ETV6: variants seen among roughly 807,000 people sequenced by gnomAD.
ETV6 encodes ETS variant transcription factor 6, also known as transcription factor ETV6.
A neutral mutation model predicts 51.1 loss-of-function variants in ETV6; 16 were observed. That is an observed-to-expected ratio of 0.31 (90% CI 0.21 to 0.48). ETV6 has a LOEUF of 0.48. Among genes scored for constraint, ETV6 ranks in the 20% least tolerant of loss-of-function variants. The pLI, the probability that ETV6 is intolerant of heterozygous loss-of-function variation, is 0.99. For missense variants in ETV6, 458 were observed against 594.8 expected (o/e 0.77, Z 2.39); for synonymous variants, 240 against 224.1 (o/e 1.07, Z -0.64).
At chr12:11,688,383 C>G (rs1326920756) in intron 1 of ETV6, among the ~76,000 whole-genome samples, 1 of 152,228 alleles carries the variant, frequency 6.6e-6, no homozygotes, top group Non-Finnish European at 1.5e-5. Context: ...AGGGCAGCCA[C>G]TATGGCTCAA....
chr12:11,878,550 T>C (rs917199843), intron 5 of ETV6, among the ~76,000 whole-genome samples: 1 of 152,076 alleles, frequency 6.6e-6, no homozygotes, highest in African/African-American at 2.4e-5. Context: ...CCACACCTTA[T>C]GTAATCACAG....
At chr12:11,742,186 A>G (rs1214156081) in intron 1 of ETV6, among the ~76,000 whole-genome samples, 1 of 152,226 alleles carries the variant, frequency 6.6e-6, no homozygotes, top group Non-Finnish European at 1.5e-5. Flanking sequence ...TATTCCGTTA[A>G]TCACTGTTGT....
rs61229425 is a variant in ETV6, at chr12:11,869,988, C to T, written c.1009+19C>T. 1.5e-3 allele frequency: 2,397 copies of T among 1,580,666 alleles called. 32 individuals carry two copies. In the African/African-American group the frequency reaches 0.028, roughly 19 times the overall value. Reference sequence around the variant, plus strand: ...ATAGCAGGTGAGTGAGTTCCCCTCTCGCCGCTCCAGCATCATGGGGACCTG... The same window carrying T: ...ATAGCAGGTGAGTGAGTTCCCCTCTTGCCGCTCCAGCATCATGGGGACCTG... On this transcript the variant is annotated intron_variant, in intron 5 of 7. Transcript: ENST00000396373. The surrounding 1 kb of genome is among the most constrained non-coding windows in gnomAD (Gnocchi z 5.0).
At chr12:11,780,375 T>C (rs1394550698) in intron 2 of ETV6, among the ~76,000 whole-genome samples, 3 of 152,194 alleles carry the variant, frequency 2.0e-5, no homozygotes, top group Non-Finnish European at 2.9e-5. Context: ...TTCACCTAAA[T>C]TCATTCTGTG....
chr12:11,796,983 C>G (rs1945688202), intron 2 of ETV6, among the ~76,000 whole-genome samples: 1 of 152,150 alleles, frequency 6.6e-6, no homozygotes, highest in African/African-American at 2.4e-5. Flanking sequence ...CACAAGGTCT[C>G]ACTATGAGCT....
chr12:11,818,320 C>T (rs1360867513), intron 2 of ETV6, among the ~76,000 whole-genome samples: 2 of 152,138 alleles, frequency 1.3e-5, no homozygotes, highest in Non-Finnish European at 2.9e-5. Context: ...GAGTTTGAGA[C>T]CAGCCTGGCC....
At chr12:11,722,446 C>T (rs558563392) in intron 1 of ETV6, among the ~76,000 whole-genome samples, 2 of 152,308 alleles carry the variant, frequency 1.3e-5, no homozygotes, top group African/African-American at 4.8e-5. Flanking sequence ...TAAATTAACA[C>T]ACTGGAAGCA....
chr12:11,697,844 A>T (rs1464739962), intron 1 of ETV6, among the ~76,000 whole-genome samples: 3 of 152,166 alleles, frequency 2.0e-5, no homozygotes, highest in African/African-American at 7.2e-5. Flanking sequence ...TGGGCATCTG[A>T]CTTGTGAATC....
intron 4 of ETV6, among the ~76,000 whole-genome samples, chr12:11,861,005 C>T (rs896984991): frequency 6.6e-6 from 1 of 152,198 alleles, no homozygotes; most frequent in African/African-American, 2.4e-5. Context: ...TCATTACTCT[C>T]AGAACACGGC....
At chr12:11,857,515 T>C (rs1480326110) in intron 4 of ETV6, among the ~76,000 whole-genome samples, 2 of 152,210 alleles carry the variant, frequency 1.3e-5, no homozygotes, top group African/African-American at 4.8e-5. Flanking sequence ...CCTTACTTAT[T>C]AGTTATGGGA....
chr12:11,720,789 C>G (rs866578552), intron 1 of ETV6, among the ~76,000 whole-genome samples: 2 of 152,118 alleles, frequency 1.3e-5, no homozygotes, highest in Non-Finnish European at 2.9e-5. Flanking sequence ...AAACAGCAAC[C>G]TACCGAATGG....
chr12:11,766,759 A>G (rs988788760), intron 2 of ETV6, among the ~76,000 whole-genome samples: 1 of 142,306 alleles, frequency 7.0e-6, no homozygotes, highest in African/African-American at 2.5e-5. Context: ...GTCTTCAGCA[A>G]TGGGGTGGGG....
At chr12:11,890,185 G>A (rs1591754449) in intron 7 of ETV6, among the ~76,000 whole-genome samples, 3 of 111,596 alleles carry the variant, frequency 2.7e-5, no homozygotes, top group Admixed American at 1.0e-4. Flanking sequence ...TTGTCCTATT[G>A]TCAGCATTTT....
intron 1 of ETV6, among the ~76,000 whole-genome samples, chr12:11,727,615 T>A (rs1034908011): frequency 2.6e-5 from 4 of 152,062 alleles, no homozygotes; most frequent in African/African-American, 9.7e-5. Flanking sequence ...GAGGCTTGAT[T>A]AAAAGCGTGG....
intron 1 of ETV6, among the ~76,000 whole-genome samples, chr12:11,683,950 A>G (rs905494471): frequency 5.9e-5 from 9 of 152,040 alleles, no homozygotes; most frequent in Non-Finnish European, 1.3e-4. Context: ...GGAAATGTGC[A>G]TAAAGATGAA....
intron 4 of ETV6, among the ~76,000 whole-genome samples, chr12:11,868,020 TG>T (rs1314166057): frequency 1.3e-5 from 2 of 152,228 alleles, no homozygotes; most frequent in African/African-American, 4.8e-5. Context: ...CTCGCTCACA[TG>T]TCACCAGCTT....
At chr12:11,712,946 G>C (rs1014858037) in intron 1 of ETV6, among the ~76,000 whole-genome samples, 1 of 152,122 alleles carries the variant, frequency 6.6e-6, no homozygotes. Context: ...TTTCTGCCTC[G>C]TTTACTTTCC....
At chr12:11,885,066 G>T (rs1947164502) in intron 6 of ETV6, among the ~76,000 whole-genome samples, 1 of 152,218 alleles carries the variant, frequency 6.6e-6, no homozygotes, top group South Asian at 2.1e-4. Context: ...GATGCAAGAA[G>T]TTTGCCCCAC....
chr12:11,728,182 G>C (rs1865525216), intron 1 of ETV6, among the ~76,000 whole-genome samples: 1 of 152,206 alleles, frequency 6.6e-6, no homozygotes. Context: ...AAAGGCTTCT[G>C]TCACCTGTCT....
Sources: gnomAD v4.1 joint callset for allele counts (sites outside exome capture counted in the v4.1 genomes callset) on GRCh38, gnomAD v4.1.1 for gene constraint, Gnocchi (gnomAD v3.1) non-coding constraint, MANE v1.5 for transcripts, NCBI Gene and HGNC (gene_info 2026-07-23, HGNC 2026-07-21) for gene names.